Variants in ADGRL2 observed in about 807,000 individuals in gnomAD.
ADGRL2 encodes calcium-independent alpha-latrotoxin receptor 2.
A neutral mutation model predicts 157.4 loss-of-function variants in ADGRL2; 44 were observed. The observed-to-expected ratio is 0.28, with a 90% CI of 0.22 to 0.36. ADGRL2 has a LOEUF of 0.36. ADGRL2 is among the 10% of genes least tolerant of loss of function. The pLI is 1.00. For missense variants in ADGRL2, 1,510 were observed against 1,768.9 expected (o/e 0.85, Z 2.63); for synonymous variants, 585 against 624.7 (o/e 0.94, Z 0.95).
chr1:81,810,126 G>C (rs147293901), intron 1 of ADGRL2, among the ~76,000 whole-genome samples: 1 of 151,834 alleles, frequency 6.6e-6, no homozygotes, highest in South Asian at 2.1e-4. Context: ...TTTATAGAGC[G>C]AACAAAAGAG....
chr1:81,385,302 A>G (rs559067255), intron 1 of ADGRL2, among the ~76,000 whole-genome samples: 1 of 152,286 alleles, frequency 6.6e-6, no homozygotes, highest in Admixed American at 6.5e-5. Context: ...TAAGCCTAGC[A>G]TGAAAATACA....
intron 2 of ADGRL2, among the ~76,000 whole-genome samples, chr1:81,580,656 G>A (rs1044084663): frequency 1.3e-5 from 2 of 152,126 alleles, no homozygotes; most frequent in African/African-American, 4.8e-5. Context: ...TGATGATTAT[G>A]TTATCCAGCA....
chr1:81,370,281 G>T (rs1181036944), intron 1 of ADGRL2, among the ~76,000 whole-genome samples: 1 of 152,130 alleles, frequency 6.6e-6, no homozygotes, highest in Non-Finnish European at 1.5e-5. Flanking sequence ...CATTGACCCA[G>T]AAATGTAAAG....
chr1:81,531,154 T>C (rs151218533), intron 2 of ADGRL2, among the ~76,000 whole-genome samples: 6 of 151,404 alleles, frequency 4.0e-5, no homozygotes, highest in African/African-American at 1.5e-4. Flanking sequence ...ATGCAATAAA[T>C]AGTTGTTAAA....
At chr1:81,539,139 A>G (rs2079819610) in intron 2 of ADGRL2, among the ~76,000 whole-genome samples, 1 of 152,154 alleles carries the variant, frequency 6.6e-6, no homozygotes, top group African/African-American at 2.4e-5. Context: ...TAAATTATCC[A>G]GGTTTTTATC....
intron 3 of ADGRL2, among the ~76,000 whole-genome samples, chr1:81,636,077 G>C (rs2082109494): frequency 6.6e-6 from 1 of 152,150 alleles, no homozygotes; most frequent in Admixed American, 6.5e-5. Context: ...ATCCAGACTA[G>C]AGGACCCAGT....
intron 1 of ADGRL2, among the ~76,000 whole-genome samples, chr1:81,353,917 A>G (rs1246931684): frequency 1.3e-5 from 2 of 152,186 alleles, no homozygotes; most frequent in African/African-American, 4.8e-5. Flanking sequence ...AGTATAAGAG[A>G]AAGGCTCAGG....
chr1:81,315,012 C>T (rs969625350), intron 1 of ADGRL2, among the ~76,000 whole-genome samples: 1 of 152,170 alleles, frequency 6.6e-6, no homozygotes, highest in Non-Finnish European at 1.5e-5. Context: ...CTGACTAATT[C>T]ACTTACACTC....
chr1:81,944,361 T>G (rs1572273896), intron 6 of ADGRL2, among the ~76,000 whole-genome samples: 1 of 152,224 alleles, frequency 6.6e-6, no homozygotes, highest in East Asian at 1.9e-4. Flanking sequence ...AAACTTTAAA[T>G]GATCCCAAGT....
chr1:81,494,796 GA>G (rs2078699266), intron 2 of ADGRL2, among the ~76,000 whole-genome samples: 1 of 151,688 alleles, frequency 6.6e-6, no homozygotes, highest in Admixed American at 6.6e-5. Context: ...CCCCTTTTTG[GA>G]AATGTCTGTG....
chr1:81,459,879 T>C (rs1186706704), intron 2 of ADGRL2, among the ~76,000 whole-genome samples: 2 of 151,750 alleles, frequency 1.3e-5, no homozygotes, highest in African/African-American at 2.4e-5. Flanking sequence ...CTGGATCATG[T>C]GGTGGCTCTA....
At chr1:81,606,180 G>T (rs1277787480) in intron 3 of ADGRL2, among the ~76,000 whole-genome samples, 2 of 152,076 alleles carry the variant, frequency 1.3e-5, no homozygotes, top group Non-Finnish European at 2.9e-5. Flanking sequence ...ATGATAATTT[G>T]TAGTGAACTC....
intron 1 of ADGRL2, among the ~76,000 whole-genome samples, chr1:81,754,044 C>A (rs1212058302): frequency 1.3e-5 from 2 of 151,962 alleles, no homozygotes; most frequent in Non-Finnish European, 2.9e-5. Context: ...ATATTTTATC[C>A]CATGACTACA....
intron 1 of ADGRL2, among the ~76,000 whole-genome samples, chr1:81,709,083 C>T (rs2083836472): frequency 6.6e-6 from 1 of 151,904 alleles, no homozygotes; most frequent in African/African-American, 2.4e-5. Flanking sequence ...TAAGATGTAC[C>T]CTTATTTTAT....
intron 1 of ADGRL2, among the ~76,000 whole-genome samples, chr1:81,402,885 T>C (rs1212428974): frequency 6.6e-6 from 1 of 152,214 alleles, no homozygotes; most frequent in Non-Finnish European, 1.5e-5. Context: ...AAACATCGAC[T>C]GTGCAGCTAT....
At chr1:81,673,224 T>A (rs1194572460) in intron 3 of ADGRL2, among the ~76,000 whole-genome samples, 1 of 152,238 alleles carries the variant, frequency 6.6e-6, no homozygotes, top group African/African-American at 2.4e-5. Flanking sequence ...TGTTTTTCAA[T>A]GAGACAACAG....
At chr1:81,343,938 A>C (rs535864210) in intron 1 of ADGRL2, among the ~76,000 whole-genome samples, 1 of 152,332 alleles carries the variant, frequency 6.6e-6, no homozygotes, top group African/African-American at 2.4e-5. Flanking sequence ...CATTCAGTCC[A>C]TAACAGCTAA....
intron 1 of ADGRL2, among the ~76,000 whole-genome samples, chr1:81,727,785 C>T (rs892355061): frequency 6.6e-6 from 1 of 151,120 alleles, no homozygotes; most frequent in African/African-American, 2.4e-5. Context: ...TGTTTAATGG[C>T]TGCACAGTAT....
At position 81,842,333 on chromosome 1, in the gene ADGRL2, AT is replaced by A. The variant is rs1202223035; in HGVS notation, c.73+5286del. Among the ~76,000 whole-genome samples the A allele has an allele frequency of 4.1e-3, 218 of 52,766 alleles. 1 individual carries two copies. The highest frequency in any genetic ancestry group is 0.012 in the African/African-American group (197 of 16,334). The allele number at this position is 52,766 out of a possible 152,430, so 34.6% of individuals were successfully genotyped here. On this transcript the variant is annotated intron_variant, in intron 2 of 23. Transcript: ENST00000686636. ...GAATAATTTTAGTCTTCAGAAAAGGATTTTTTTTTTCTTTTAGCGCTTTTTT... is the reference window on the plus strand; with the variant it reads ...GAATAATTTTAGTCTTCAGAAAAGGATTTTTTTTTCTTTTAGCGCTTTTTT...
Sources: allele counts gnomAD v4.1 joint callset (sites outside exome capture counted in the v4.1 genomes callset), GRCh38; gene constraint gnomAD v4.1.1; transcripts MANE v1.5; gene names NCBI Gene and HGNC (gene_info 2026-07-23, HGNC 2026-07-21).